Variants in PATJ observed in about 807,000 individuals in gnomAD.
The protein encoded by PATJ is inaD-like protein.
A neutral mutation model predicts 224.9 loss-of-function variants in PATJ; 190 were observed. The ratio of observed to expected loss-of-function variants is 0.84; its 90% CI spans 0.75 to 0.95. The LOEUF is 0.95. Ranked by LOEUF, PATJ falls within the 40% of genes least tolerant of loss-of-function variation. The probability of loss-of-function intolerance (pLI) is 0.00; values close to 1 mark genes in which losing one functional copy is unlikely to be tolerated. For missense variants in PATJ, 2,121 were observed against 2,270.3 expected, an observed-to-expected ratio of 0.93 and a Z score of 1.34; for synonymous variants, 769 against 820.3, an observed-to-expected ratio of 0.94 and a Z score of 1.07.
At chr1:61,893,058 G>A (rs2498984) in intron 22 of PATJ, among the ~76,000 whole-genome samples, 36,158 of 151,908 alleles carry the variant, frequency 0.24, 4,957 homozygotes, top group African/African-American at 0.37. Flanking sequence ...TCACTTTCTC[G>A]GTTAAATTTA....
intron 9 of PATJ, among the ~76,000 whole-genome samples, chr1:61,793,377 T>C (rs1043751394): frequency 6.6e-6 from 1 of 152,058 alleles, no homozygotes; most frequent in African/African-American, 2.4e-5. Flanking sequence ...TAGGTCAGAG[T>C]TTACCAGAAG....
Position 62,018,017 on chromosome 1 carries a change from G to T in PATJ, c.3959+70G>T. On this transcript the variant is annotated intron_variant, in intron 29 of 43. Coordinates refer to ENST00000642238, the MANE Select transcript of PATJ (RefSeq NM_001350145.3). This position sits in a 1 kb window ranked among gnomAD's most constrained non-coding sequence, Gnocchi z 4.2. The stretch of plus-strand genomic sequence containing the variant: ...GAAGATGTTATTAGTGTAAGACTAT[G>T]TCATCTTTGATTTGTCTAGCGAAAT... 1.2e-6 allele frequency: 1 copy of T among 805,482 alleles called. No individual in the cohort carries two copies. 49.9% of individuals were successfully genotyped at this position (805,482 alleles called of 1,614,324 possible).
intron 33 of PATJ, among the ~76,000 whole-genome samples, chr1:62,105,436 AGGGTG>A (rs1230682784): frequency 6.6e-6 from 1 of 152,216 alleles, no homozygotes; most frequent in Non-Finnish European, 1.5e-5. Flanking sequence ...GTATCATTAC[AGGGTG>A]CTACCAGGAG....
chr1:61,871,126 G>T (rs1351989848), intron 20 of PATJ, among the ~76,000 whole-genome samples: 36 of 73,824 alleles, frequency 4.9e-4, no homozygotes, highest in South Asian at 9.7e-4. Flanking sequence ...ATAATTCTAT[G>T]TTCTTATTTT....
intron 22 of PATJ, among the ~76,000 whole-genome samples, chr1:61,887,089 T>C (rs1269426140): frequency 2.6e-5 from 4 of 152,010 alleles, no homozygotes; most frequent in Non-Finnish European, 5.9e-5. Flanking sequence ...ATACAACATT[T>C]ATATTATATA....
chr1:62,146,592 A>G (rs185845513), intron 41 of PATJ, among the ~76,000 whole-genome samples: 1 of 152,192 alleles, frequency 6.6e-6, no homozygotes, highest in African/African-American at 2.4e-5. Context: ...TCTGACCAAC[A>G]TGGAGAAACC....
intron 26 of PATJ, among the ~76,000 whole-genome samples, chr1:61,926,889 G>A (rs1675285789): frequency 6.6e-6 from 1 of 152,140 alleles, no homozygotes; most frequent in African/African-American, 2.4e-5. Context: ...ATAATTGAAT[G>A]TACTTTACTG....
At chr1:61,827,953 A>G (rs1046093222) in intron 16 of PATJ, among the ~76,000 whole-genome samples, 3 of 152,308 alleles carry the variant, frequency 2.0e-5, no homozygotes, top group South Asian at 2.1e-4. Context: ...GAGCCTTAAA[A>G]TTATGAAACT....
At position 61,908,382 on chromosome 1, in the gene PATJ, T is replaced by C. The variant is rs757377512; in HGVS notation, c.3392T>C (p.Val1131Ala). ...TGDKILEVSG[V>A]DLQNASHSEA... Reference sequence around the variant, plus strand: ...GCTTCTGTGTTTCAGGTGTCTGGAGTAGATTTGCAGAATGCCTCACACAGC... The same window carrying C: ...GCTTCTGTGTTTCAGGTGTCTGGAGCAGATTTGCAGAATGCCTCACACAGC... Residue 1131 changes from valine to alanine, a missense_variant, in exon 25 of 44, where the codon GTA (valine) becomes GCA (alanine). Coordinates refer to ENST00000642238, the MANE Select transcript of PATJ (RefSeq NM_001350145.3). 6.2e-6 allele frequency: 10 copies of C among 1,611,918 alleles called. No individual in the cohort carries two copies. The highest frequency in any genetic ancestry group is 4.4e-5 in the South Asian group (4 of 91,030).
intron 39 of PATJ, among the ~76,000 whole-genome samples, chr1:62,125,264 C>CAAAAAAAA (rs1284483252): frequency 2.5e-4 from 16 of 64,194 alleles, no homozygotes; most frequent in South Asian, 4.3e-4. Flanking sequence ...CAAAAAAAAA[C>CAAAAAAAA]AAAAAAAAAA....
chr1:62,149,649 G>A (rs535993534), intron 42 of PATJ, among the ~76,000 whole-genome samples: 14 of 150,646 alleles, frequency 9.3e-5, no homozygotes, highest in Non-Finnish European at 1.3e-4. Context: ...GAAGTACAGC[G>A]TACCTTTAGC....
At chr1:62,054,643 G>A (rs556425924) in intron 31 of PATJ, among the ~76,000 whole-genome samples, 15 of 152,346 alleles carry the variant, frequency 9.8e-5, no homozygotes, top group Non-Finnish European at 2.2e-4. Context: ...TATTTCAGAA[G>A]TCTAGATGAG....
At position 61,996,782 on chromosome 1, in the gene PATJ, G is replaced by A. The variant is rs529492899; in HGVS notation, c.3867+6418G>A. On this transcript the variant is annotated intron_variant, in intron 28 of 43. Coordinates refer to ENST00000642238, the MANE Select transcript of PATJ (RefSeq NM_001350145.3). ...TTTTGAGATGGAGTCTTGCTCTATC[G>A]CCCAGGCTGGAGTACAGTGGCACAA... Among the ~76,000 whole-genome samples the A allele has an allele frequency of 9.5e-4, 117 of 123,132 alleles. 2 individuals carry two copies. Among genetic ancestry groups the A allele is most frequent in the Non-Finnish European group, 3.9e-4 (25 of 63,788 alleles). 80.8% of individuals were successfully genotyped at this position (123,132 alleles called of 152,430 possible).
intron 27 of PATJ, chr1:61,952,318 T>C: frequency 1.5e-6 from 1 of 664,350 alleles, no homozygotes; most frequent in Non-Finnish European, 2.8e-6. Flanking sequence ...GAGGAGTCTG[T>C]GGTGAGGATT....
At chr1:61,806,613 C>T (rs1236227051) in intron 13 of PATJ, among the ~76,000 whole-genome samples, 10 of 148,086 alleles carry the variant, frequency 6.8e-5, no homozygotes, top group South Asian at 2.1e-4. Context: ...AGCGAGATTC[C>T]GCCTCAAAAA....
intron 16 of PATJ, among the ~76,000 whole-genome samples, chr1:61,828,927 A>AAAATGGTGATACTTT (rs771056572): frequency 6.6e-6 from 1 of 152,262 alleles, no homozygotes; most frequent in South Asian, 2.1e-4. Flanking sequence ...TTTCCTTTGA[A>AAAATGGTGATACTTT]AAATGGTGAT....
At chr1:61,784,222 C>T (rs562339796) in intron 7 of PATJ, among the ~76,000 whole-genome samples, 12 of 152,298 alleles carry the variant, frequency 7.9e-5, no homozygotes, top group African/African-American at 2.2e-4. Context: ...TAGCACGCTA[C>T]GTACTTGAAT....
chr1:62,106,063 A>AAAAATATATAT (rs34767684), intron 33 of PATJ, among the ~76,000 whole-genome samples: 5 of 39,640 alleles, frequency 1.3e-4, no homozygotes, highest in South Asian at 1.5e-3. Context: ...AAAAAAAAAA[A>AAAAATATATAT]ATATATATAT....
intron 27 of PATJ, among the ~76,000 whole-genome samples, chr1:61,958,251 ACT>A (rs1315871521): frequency 6.6e-6 from 1 of 151,916 alleles, no homozygotes; most frequent in Admixed American, 6.6e-5. Flanking sequence ...ATTATTTCTA[ACT>A]CTCTGTTAAT....
Sources: gnomAD v4.1 joint callset for allele counts (sites outside exome capture counted in the v4.1 genomes callset) on GRCh38, gnomAD v4.1.1 for gene constraint, Gnocchi (gnomAD v3.1) non-coding constraint, MANE v1.5 for transcripts, NCBI Gene and HGNC (gene_info 2026-07-23, HGNC 2026-07-21) for gene names.